The following MYL12B variants were observed in gnomAD, a reference collection of about 807,000 sequenced individuals.
The protein encoded by MYL12B is myosin regulatory light chain 12B.
MYL12B carries 3 observed loss-of-function variants against 12.9 expected under a neutral mutation model. That is an observed-to-expected ratio of 0.23 (90% CI 0.11 to 0.60). The LOEUF (loss-of-function observed/expected upper bound fraction) is 0.60, where lower values mean the gene tolerates loss of function less well. Among genes scored for constraint, MYL12B ranks in the 20% least tolerant of loss-of-function variants. MYL12B has a pLI of 0.89. For missense variants in MYL12B, 120 were observed against 215.4 expected, an observed-to-expected ratio of 0.56 and a Z score of 2.77; for synonymous variants, 57 against 71.9, an observed-to-expected ratio of 0.79 and a Z score of 1.05.
At chr18:3,270,370 C>G (rs967010543) in intron 1 of MYL12B, among the ~76,000 whole-genome samples, 11 of 152,256 alleles carry the variant, frequency 7.2e-5, no homozygotes, top group Admixed American at 4.6e-4. Context: ...CCTATATCTG[C>G]TCTAACATAT....
chr18:3,267,388 G>A (rs1293478260), intron 1 of MYL12B, among the ~76,000 whole-genome samples: 1 of 152,212 alleles, frequency 6.6e-6, no homozygotes, highest in Admixed American at 6.5e-5. Flanking sequence ...AATATATGCT[G>A]AAGTATATAG....
intron 2 of MYL12B, among the ~76,000 whole-genome samples, chr18:3,273,860 T>TTTC (rs1232535939): frequency 8.3e-5 from 9 of 107,998 alleles, no homozygotes; most frequent in African/African-American, 2.3e-4. Flanking sequence ...GGTTTTTTTT[T>TTTC]TCTCTCTTTT....
intron 1 of MYL12B, chr18:3,262,681 C>T (rs985426144): frequency 6.6e-6 from 1 of 152,318 alleles, no homozygotes; most frequent in South Asian, 2.1e-4. Flanking sequence ...TCGTGTGGAG[C>T]ACCTGCCCTG....
intron 1 of MYL12B, among the ~76,000 whole-genome samples, chr18:3,266,099 C>T (rs1317510784): frequency 1.3e-5 from 2 of 152,104 alleles, no homozygotes; most frequent in African/African-American, 4.8e-5. Flanking sequence ...AACCTAGCAC[C>T]TCAGAAACAA....
intron 1 of MYL12B, among the ~76,000 whole-genome samples, chr18:3,265,552 C>G (rs1177695360): frequency 6.8e-6 from 1 of 146,646 alleles, no homozygotes; most frequent in South Asian, 2.1e-4. Context: ...GCTAACAAGA[C>G]CCTCTCAGAG....
At chr18:3,270,262 A>C (rs1436578415) in intron 1 of MYL12B, among the ~76,000 whole-genome samples, 3 of 152,184 alleles carry the variant, frequency 2.0e-5, no homozygotes, top group Non-Finnish European at 1.5e-5. Context: ...CTGATACTGT[A>C]TGTGTAGTTT....
At position 3,269,909 on chromosome 18, in the gene MYL12B, G is replaced by A. The variant is rs140354924; in HGVS notation, c.-15-2975G>A. ...GCTTAGCAGTCTTCCTGATTAGAGCGTAAGTTCTTCAAGGTTGGGACCCTT... is the reference window on the plus strand; with the variant it reads ...GCTTAGCAGTCTTCCTGATTAGAGCATAAGTTCTTCAAGGTTGGGACCCTT... On this transcript the variant is annotated intron_variant, in intron 1 of 3. Transcript: ENST00000237500. 2.4e-3 allele frequency among the ~76,000 whole-genome samples: 370 copies of A among 152,292 alleles called. 1 individual carries two copies. Among genetic ancestry groups the A allele is most frequent in the African/African-American group, 8.2e-3 (342 of 41,556 alleles).
rs192778103 is a variant in MYL12B, at chr18:3,275,279, T to A, written c.185-1974T>A. Among the ~76,000 whole-genome samples the A allele has an allele frequency of 2.0e-5, 3 of 152,068 alleles. No individual in the cohort carries two copies. In the East Asian group the frequency reaches 5.8e-4, roughly 29 times the overall value. ...CTAAAAGTTAAAATAATTGAACTCA[T>A]GGAGATGGAAAGTAGAAGGATGGTT... On this transcript the variant is annotated intron_variant, in intron 2 of 3. Coordinates refer to ENST00000237500, the MANE Select transcript of MYL12B (RefSeq NM_033546.4).
intron 1 of MYL12B, among the ~76,000 whole-genome samples, chr18:3,269,000 A>T (rs1300679119): frequency 6.6e-6 from 1 of 152,196 alleles, no homozygotes; most frequent in Non-Finnish European, 1.5e-5. Flanking sequence ...GATCAGGGCA[A>T]CTGGGGCTGG....
chr18:3,270,766 C>T (rs2034065), intron 1 of MYL12B, among the ~76,000 whole-genome samples: 145,002 of 152,154 alleles, frequency 0.95, 69,168 homozygotes, highest in Non-Finnish European at 0.98. Context: ...CTCCCAGGCT[C>T]AAATGATCCT....
chr18:3,269,010 G>C (rs949877605), intron 1 of MYL12B, among the ~76,000 whole-genome samples: 1 of 152,164 alleles, frequency 6.6e-6, no homozygotes, highest in African/African-American at 2.4e-5. Flanking sequence ...ACTGGGGCTG[G>C]AAAAATAGCA....
At chr18:3,267,556 C>T (rs1300592064) in intron 1 of MYL12B, among the ~76,000 whole-genome samples, 11 of 152,138 alleles carry the variant, frequency 7.2e-5, no homozygotes, top group African/African-American at 1.2e-4. Flanking sequence ...CTTCTTTCCA[C>T]GGTCCATGGT....
intron 1 of MYL12B, among the ~76,000 whole-genome samples, chr18:3,269,457 G>C (rs997053716): frequency 6.6e-6 from 1 of 152,134 alleles, no homozygotes; most frequent in African/African-American, 2.4e-5. Context: ...AGAGGGATTG[G>C]GGAGGGTGAC....
chr18:3,268,148 C>T (rs748282175), intron 1 of MYL12B, among the ~76,000 whole-genome samples: 1 of 152,156 alleles, frequency 6.6e-6, no homozygotes, highest in African/African-American at 2.4e-5. Context: ...GAATATATCC[C>T]CCTCAGATAA....
rs557994600 is a variant in MYL12B, at chr18:3,264,821, A to C, written c.-16+2584A>C. ...ATAGAAATCTGAACAGTGGTTGCCT[A>C]TGGGAGATGGTGATTAACTTGGAGA... On this transcript the variant is annotated intron_variant, in intron 1 of 3. Transcript: ENST00000237500. Among the ~76,000 whole-genome samples, 32 of 152,348 alleles carry C rather than the reference A, an allele frequency of 2.1e-4. 2 individuals are homozygous for C. The South Asian group carries it at 5.8e-3, about 28-fold the overall frequency.
At chr18:3,271,158 T>A in intron 1 of MYL12B, among the ~76,000 whole-genome samples, 1 of 152,204 alleles carries the variant, frequency 6.6e-6, no homozygotes, top group South Asian at 2.1e-4. Flanking sequence ...AGTTTTGGTA[T>A]GTGAAGAAGA....
At chr18:3,268,045 G>T (rs1177454869) in intron 1 of MYL12B, among the ~76,000 whole-genome samples, 1 of 151,866 alleles carries the variant, frequency 6.6e-6, no homozygotes. Context: ...ATTGATTCTC[G>T]GTTGAATCTG....
chr18:3,276,441 C>A (rs2081732271), intron 2 of MYL12B: 1 of 984,780 alleles, frequency 1.0e-6, no homozygotes. Context: ...CTCACCACTG[C>A]ACTAAAAGAA....
intron 1 of MYL12B, among the ~76,000 whole-genome samples, chr18:3,267,716 T>C (rs936937071): frequency 1.7e-4 from 26 of 152,234 alleles, no homozygotes; most frequent in African/African-American, 6.3e-4. Flanking sequence ...TGTTAATCTC[T>C]TACTGTGCTT....
Sources: allele counts gnomAD v4.1 joint callset (sites outside exome capture counted in the v4.1 genomes callset), GRCh38; gene constraint gnomAD v4.1.1; transcripts MANE v1.5; gene names NCBI Gene and HGNC (gene_info 2026-07-23, HGNC 2026-07-21).